Variants in ADGRV1 observed in about 807,000 individuals in gnomAD.
The protein encoded by ADGRV1 is adhesion G protein-coupled receptor V1.
A neutral mutation model predicts 596.2 loss-of-function variants in ADGRV1; 359 were observed. That is an observed-to-expected ratio of 0.60 (90% confidence interval 0.55 to 0.66). The LOEUF is 0.66. ADGRV1 is among the 30% of genes least tolerant of loss of function. ADGRV1 has a pLI of 0.00. For synonymous variants in ADGRV1, 2,681 were observed against 2,679.2 expected, an observed-to-expected ratio of 1.00 and a Z score of -0.02; for missense variants, 7,274 against 7,575.6, an observed-to-expected ratio of 0.96 and a Z score of 1.48.
chr5:90,691,666 T>A (rs1269650543), intron 31 of ADGRV1, among the ~76,000 whole-genome samples: 4 of 152,180 alleles, frequency 2.6e-5, no homozygotes, highest in Non-Finnish European at 2.9e-5. Context: ...ATTACAAGCA[T>A]GAGCCAACGT....
rs768914838 is a variant in ADGRV1, at chr5:90,674,210, A to G, written c.5086A>G (p.Ile1696Val). The G allele has an allele frequency of 1.9e-5, 31 of 1,609,368 alleles. No homozygotes were observed. Among genetic ancestry groups the G allele is most frequent in the African/African-American group, 4.0e-5 (3 of 74,820 alleles). ...DPEKETTDITIKASDHPYGLL... is the reference protein window; with the variant it reads ...DPEKETTDITVKASDHPYGLL... Reference sequence around the variant, plus strand: ...TGAAAAGGAAACGACTGATATCACCATCAAAGCTAGTGATCATCCATATGG... The same window carrying G: ...TGAAAAGGAAACGACTGATATCACCGTCAAAGCTAGTGATCATCCATATGG... The change falls in exon 23 of 90, where the codon ATC (isoleucine) becomes GTC (valine). Residue 1696 changes from isoleucine to valine, a missense_variant. Coordinates refer to ENST00000405460, the MANE Select transcript of ADGRV1 (RefSeq NM_032119.4).
intron 30 of ADGRV1, 138 bp from the exon 31 acceptor site, chr5:90,690,659 G>C (rs1746348068): frequency 1.2e-6 from 1 of 839,722 alleles, no homozygotes; most frequent in Non-Finnish European, 1.8e-6. Flanking sequence ...ATCACAGCAT[G>C]TTACTCTGGT....
At chr5:90,604,815 A>G (rs1447066108) in intron 1 of ADGRV1, among the ~76,000 whole-genome samples, 40 of 152,202 alleles carry the variant, frequency 2.6e-4, no homozygotes, top group Non-Finnish European at 5.9e-5. Flanking sequence ...TATATGAGCA[A>G]ACTTTGACTT....
intron 45 of ADGRV1, among the ~76,000 whole-genome samples, chr5:90,724,534 T>G (rs1751509327): frequency 6.6e-6 from 1 of 152,216 alleles, no homozygotes; most frequent in African/African-American, 2.4e-5. Context: ...CAGCCACATT[T>G]AGTATTTATT....
chr5:90,916,585 C>G (rs902224536), intron 83 of ADGRV1, among the ~76,000 whole-genome samples: 7 of 150,276 alleles, frequency 4.7e-5, no homozygotes, highest in Non-Finnish European at 7.4e-5. Flanking sequence ...TTCTATTTCA[C>G]TTAATTTTAT....
At chr5:90,785,780 G>A (rs1759368822) in intron 67 of ADGRV1, among the ~76,000 whole-genome samples, 2 of 152,128 alleles carry the variant, frequency 1.3e-5, no homozygotes, top group South Asian at 2.1e-4. Context: ...TGGAGAAATA[G>A]GAACGCTTTT....
chr5:90,815,812 G>A, intron 75 of ADGRV1, 76 bp downstream of exon 75: 4 of 860,714 alleles, frequency 4.6e-6, no homozygotes, highest in Non-Finnish European at 7.5e-6. Flanking sequence ...TCATACAATG[G>A]TGGAGGGCAG....
Position 90,778,628 on chromosome 5 carries a change from A to G in ADGRV1, c.12849+19A>G. On this transcript the variant is annotated intron_variant, in intron 63 of 89. Transcript: ENST00000405460. ...ACAGAGGGTATAGTATGAAATGCTT[A>G]AGATTTTAATATCATTTTTATTTTT... The G allele has an allele frequency of 6.6e-7, 1 of 1,503,872 alleles. No homozygotes were observed. Among genetic ancestry groups the G allele is most frequent in the Non-Finnish European group, 8.9e-7 (1 of 1,125,774 alleles). The allele number at this position is 1,503,872 out of a possible 1,614,324, so 93.2% of individuals were successfully genotyped here. A position where few individuals can be genotyped will look rare whatever the true frequency, so the allele number is the denominator to read the frequency against.
intron 86 of ADGRV1, among the ~76,000 whole-genome samples, chr5:91,101,050 G>T (rs1229389497): frequency 1.3e-5 from 2 of 152,006 alleles, no homozygotes; most frequent in Non-Finnish European, 2.9e-5. Flanking sequence ...GGAAATTACT[G>T]GTATAATAAA....
At chr5:90,851,102 G>GGTGTGTGT (rs371933419) in intron 79 of ADGRV1, among the ~76,000 whole-genome samples, 3,252 of 50,358 alleles carry the variant, frequency 0.065, 151 homozygotes, top group Non-Finnish European at 0.085. Flanking sequence ...AGCTAGGTAG[G>GGTGTGTGT]GTGTGTGTGT....
chr5:91,080,082 T>A (rs1460760566), intron 86 of ADGRV1, among the ~76,000 whole-genome samples: 3 of 152,100 alleles, frequency 2.0e-5, no homozygotes, highest in Admixed American at 2.0e-4. Context: ...CTGTACATAT[T>A]TATGGGGTAC....
At chr5:91,143,229 G>A (rs756823698) in intron 87 of ADGRV1, among the ~76,000 whole-genome samples, 1 of 152,164 alleles carries the variant, frequency 6.6e-6, no homozygotes, top group Non-Finnish European at 1.5e-5. Context: ...CCCTGGCTTG[G>A]GGCACTCCTA....
rs1181188787 is a variant in ADGRV1, at chr5:90,928,898, G to C, written c.17857-36517G>C. Among the ~76,000 whole-genome samples the C allele has an allele frequency of 1.5e-4, 21 of 144,706 alleles. No individual in the cohort carries two copies. In the South Asian group the frequency reaches 2.0e-3, roughly 14 times the overall value. The allele number at this position is 144,706 out of a possible 152,430, so 94.9% of individuals were successfully genotyped here. ...CTGTTGGAATAGCCTGCCGTGTGAG[G>C]TGTCAGTGTGCCCCTGCTGGGGGGT... On this transcript the variant is annotated intron_variant, in intron 83 of 89. Coordinates refer to ENST00000405460, the MANE Select transcript of ADGRV1 (RefSeq NM_032119.4).
intron 84 of ADGRV1, among the ~76,000 whole-genome samples, chr5:90,975,244 C>T (rs971398229): frequency 7.9e-5 from 12 of 152,094 alleles, no homozygotes; most frequent in Non-Finnish European, 1.5e-4. Flanking sequence ...CACTTTTACA[C>T]TGTTGGTGGG....
At chr5:90,800,869 C>A (rs569523971) in intron 70 of ADGRV1, among the ~76,000 whole-genome samples, 1 of 151,946 alleles carries the variant, frequency 6.6e-6, no homozygotes, top group Non-Finnish European at 1.5e-5. Context: ...GGTAGTTGAA[C>A]AATGAGAACT....
intron 50 of ADGRV1, among the ~76,000 whole-genome samples, chr5:90,738,705 G>A (rs370063088): frequency 6.6e-6 from 1 of 152,046 alleles, no homozygotes; most frequent in Admixed American, 6.6e-5. Flanking sequence ...CTTTGAATGC[G>A]ACTATATTCT....
chr5:90,788,863 G>GACACAC (rs70973708), intron 68 of ADGRV1, among the ~76,000 whole-genome samples: 263 of 147,030 alleles, frequency 1.8e-3, no homozygotes, highest in African/African-American at 3.7e-3. Context: ...CACAGACACA[G>GACACAC]ACACACACAC....
At chr5:90,637,372 A>T (rs1766348205) in intron 10 of ADGRV1, among the ~76,000 whole-genome samples, 1 of 151,886 alleles carries the variant, frequency 6.6e-6, no homozygotes. Flanking sequence ...TTTTCAGAGA[A>T]CCTCTAATGG....
Position 90,708,816 on chromosome 5 carries a change from G to A in ADGRV1, c.8731G>A (p.Asp2911Asn), listed in dbSNP as rs761871555. The A allele has an allele frequency of 1.9e-6, 3 of 1,599,780 alleles. No homozygotes were observed. The highest frequency in any genetic ancestry group is 2.7e-5 in the African/African-American group (2 of 74,610). The change falls in exon 39 of 90, where the codon GAT becomes AAT. Residue 2911 changes from aspartate to asparagine, a missense_variant and splice_region_variant. By Grantham distance (23) the Asp-to-Asn change is conservative. Coordinates refer to ENST00000405460, the MANE Select transcript of ADGRV1 (RefSeq NM_032119.4). ...AAAINITILE[D>N]DVPELEEYFL... is the part of the protein sequence containing the mutation. ...AATTTAATGAGTGTAATTTTTTCAG[G>A]ATGATGTACCAGAGCTAGAAGAATA...
Sources: gnomAD v4.1 joint callset for allele counts (sites outside exome capture counted in the v4.1 genomes callset) on GRCh38, gnomAD v4.1.1 for gene constraint, MANE v1.5 for transcripts, NCBI Gene and HGNC (gene_info 2026-07-23, HGNC 2026-07-21) for gene names.